Variants in SYCP1 observed in about 807,000 individuals in gnomAD.
SYCP1 encodes the protein synaptonemal complex protein 1.
SYCP1 carries 64 observed loss-of-function variants against 153.1 expected under a neutral mutation model. The observed-to-expected ratio is 0.42, with a 90% CI of 0.34 to 0.51. The LOEUF is 0.51. SYCP1 is among the 20% of genes least tolerant of loss of function. SYCP1 has a pLI of 0.06. For synonymous variants in SYCP1, 384 were observed against 341.8 expected, an observed-to-expected ratio of 1.12 and a Z score of -1.36; for missense variants, 997 against 1,049.0, an observed-to-expected ratio of 0.95 and a Z score of 0.68.
chr1:114,992,958 GT>G (rs1233190137), intron 30 of SYCP1, among the ~76,000 whole-genome samples: 2 of 151,364 alleles, frequency 1.3e-5, no homozygotes, highest in Admixed American at 6.6e-5. Flanking sequence ...CAATTGAAAA[GT>G]GGGGAGAAAA....
At chr1:114,865,948 AT>A (rs144938403) in intron 8 of SYCP1, among the ~76,000 whole-genome samples, 4,761 of 152,254 alleles carry the variant, frequency 0.031, 123 homozygotes, top group Non-Finnish European at 0.042. Flanking sequence ...GGCTTTTCAT[AT>A]TGGCTTCTTT....
chr1:114,935,951 A>T lies in SYCP1; in HGVS notation c.1927-8388A>T, dbSNP rs144339917. Among the ~76,000 whole-genome samples, 1,001 of 152,330 alleles carry T rather than the reference A, an allele frequency of 6.6e-3. 15 individuals carry two copies. The highest frequency in any genetic ancestry group is 0.023 in the African/African-American group (939 of 41,560). Reference sequence around the variant, plus strand: ...AATAAGTCCAGGACCAGACGGAGTCACAGCCGAATTCTACCAGAGGTACAA... The same window carrying T: ...AATAAGTCCAGGACCAGACGGAGTCTCAGCCGAATTCTACCAGAGGTACAA... On this transcript the variant is annotated intron_variant, in intron 23 of 31. Transcript: ENST00000369522.
chr1:114,898,589 A>G (rs1036319957), intron 16 of SYCP1, among the ~76,000 whole-genome samples: 1 of 152,202 alleles, frequency 6.6e-6, no homozygotes, highest in Non-Finnish European at 1.5e-5. Context: ...CTTAAAAACA[A>G]CTAATGAGTT....
chr1:114,860,674 A>G lies in SYCP1; in HGVS notation c.525-62A>G, dbSNP rs112228802. 36 of 1,047,870 alleles carry G rather than the reference A, an allele frequency of 3.4e-5. 2 individuals are homozygous for G. The highest frequency in any genetic ancestry group is 3.1e-4 in the African/African-American group (19 of 61,394). The allele number at this position is 1,047,870 out of a possible 1,614,324, so 64.9% of individuals were successfully genotyped here. A position where few individuals can be genotyped will look rare whatever the true frequency, so the allele number is the denominator to read the frequency against. On this transcript the variant is annotated intron_variant, in intron 7 of 31. Coordinates refer to ENST00000369522, the MANE Select transcript of SYCP1 (RefSeq NM_003176.4). Reference sequence around the variant, plus strand: ...ATTGTAACAATATATTTCATAACTTATATATTGTGATTTTGCTTTGAGATC... The same window carrying G: ...ATTGTAACAATATATTTCATAACTTGTATATTGTGATTTTGCTTTGAGATC...
chr1:114,886,378 C>G lies in SYCP1; in HGVS notation c.1190+69C>G, dbSNP rs552472510. The G allele has an allele frequency of 9.7e-5, 130 of 1,337,798 alleles. No individual in the cohort carries two copies. The South Asian group carries it at 2.2e-3, about 23-fold the overall frequency. The allele number at this position is 1,337,798 out of a possible 1,614,324, so 82.9% of individuals were successfully genotyped here. On this transcript the variant is annotated intron_variant, in intron 14 of 31. Transcript: ENST00000369522. Reference sequence around the variant, plus strand: ...AACAATTTACTTTTAATATTCAATGCCATTTTCTTTGCATTGCCAACTGAT... The same window carrying G: ...AACAATTTACTTTTAATATTCAATGGCATTTTCTTTGCATTGCCAACTGAT...
At chr1:114,946,965 C>T (rs1174657592) in intron 26 of SYCP1, among the ~76,000 whole-genome samples, 2 of 152,132 alleles carry the variant, frequency 1.3e-5, no homozygotes, top group African/African-American at 4.8e-5. Context: ...AGGCTTTCCT[C>T]AAACTCCTGA....
Position 114,958,102 on chromosome 1 carries a change from C to T in SYCP1, c.2322+10782C>T, listed in dbSNP as rs113233232. ...ATTCCATATGCAATGGAATATTAAT[C>T]AGCCATAAAAAAGAAGGAAACTTTG... On this transcript the variant is annotated intron_variant, in intron 27 of 31. Transcript: ENST00000369522. 3.7e-3 allele frequency among the ~76,000 whole-genome samples: 568 copies of T among 152,266 alleles called. 5 individuals are homozygous for T. Among genetic ancestry groups the T allele is most frequent in the African/African-American group, 0.013 (539 of 41,546 alleles).
At chr1:114,919,507 C>T (rs2101709176) in intron 20 of SYCP1, among the ~76,000 whole-genome samples, 1 of 152,002 alleles carries the variant, frequency 6.6e-6, no homozygotes, top group South Asian at 2.1e-4. Flanking sequence ...CAGGGTAATA[C>T]TTGCCTCACA....
chr1:114,965,953 GCTGTGAACCCAT>G (rs1228323979), intron 27 of SYCP1, among the ~76,000 whole-genome samples: 5 of 152,114 alleles, frequency 3.3e-5, no homozygotes. Context: ...GTAGAATTTG[GCTGTGAACCCAT>G]CTGGTCCTGG....
chr1:114,910,332 G>A, intron 16 of SYCP1, 65 bp from the exon 17 acceptor site: 1 of 1,106,116 alleles, frequency 9.0e-7, no homozygotes, highest in Non-Finnish European at 1.3e-6. Context: ...CTCCATTTGG[G>A]CAGTTTGATT....
chr1:114,934,327 A>G lies in SYCP1; in HGVS notation c.1926+7764A>G, dbSNP rs556285946. Among the ~76,000 whole-genome samples, 727 of 152,304 alleles carry G rather than the reference A, an allele frequency of 4.8e-3. 8 individuals are homozygous for G. Among genetic ancestry groups the G allele is most frequent in the African/African-American group, 0.016 (679 of 41,556 alleles). On this transcript the variant is annotated intron_variant, in intron 23 of 31. Coordinates refer to ENST00000369522, the MANE Select transcript of SYCP1 (RefSeq NM_003176.4). Reference sequence around the variant, plus strand: ...CCAAACTAAACTTCATAAGTGAAGGAGAAATAAAATCCTTTACAGACAAGC... The same window carrying G: ...CCAAACTAAACTTCATAAGTGAAGGGGAAATAAAATCCTTTACAGACAAGC...
intron 12 of SYCP1, among the ~76,000 whole-genome samples, chr1:114,878,883 T>C (rs1421940127): frequency 2.0e-5 from 3 of 152,082 alleles, no homozygotes; most frequent in Non-Finnish European, 4.4e-5. Flanking sequence ...GGGAGCATGA[T>C]GGAGAGAGTT....
intron 8 of SYCP1, among the ~76,000 whole-genome samples, chr1:114,861,715 C>A (rs908312609): frequency 6.6e-6 from 1 of 151,546 alleles, no homozygotes; most frequent in Non-Finnish European, 1.5e-5. Flanking sequence ...ATGCTTAGAA[C>A]AATGCAAAGT....
At chr1:114,856,075 T>G (rs1663916709) in intron 2 of SYCP1, among the ~76,000 whole-genome samples, 2 of 152,170 alleles carry the variant, frequency 1.3e-5, no homozygotes, top group Admixed American at 1.3e-4. Context: ...GTTTCTCAGG[T>G]GAAACAGAGC....
At chr1:114,878,229 T>C in intron 12 of SYCP1, 27 bp downstream of exon 12, 2 of 1,321,064 alleles carry the variant, frequency 1.5e-6, no homozygotes, top group Non-Finnish European at 2.1e-6. Context: ...GATAATATAA[T>C]GTGCCTTATG....
At chr1:114,938,103 T>A (rs1670142837) in intron 23 of SYCP1, among the ~76,000 whole-genome samples, 1 of 152,126 alleles carries the variant, frequency 6.6e-6, no homozygotes, top group African/African-American at 2.4e-5. Context: ...CACATGTATG[T>A]TTATTGCAGC....
At chr1:114,946,475 A>G (rs1670716570) in intron 26 of SYCP1, 94 bp downstream of exon 26, 2 of 689,490 alleles carry the variant, frequency 2.9e-6, no homozygotes, top group African/African-American at 1.9e-5. Context: ...CTAATTTTTG[A>G]GCTATAGAAT....
chr1:114,981,590 C>T (rs1673157348), intron 29 of SYCP1, 78 bp downstream of exon 29: 10 of 1,274,978 alleles, frequency 7.8e-6, no homozygotes, highest in Non-Finnish European at 1.1e-5. Context: ...ATATATCTGG[C>T]ATCACGCACA....
At chr1:114,932,964 T>C (rs1669740735) in intron 23 of SYCP1, among the ~76,000 whole-genome samples, 1 of 152,198 alleles carries the variant, frequency 6.6e-6, no homozygotes, top group African/African-American at 2.4e-5. Flanking sequence ...ACTCCACCTC[T>C]GGGGGCAGGG....
Sources: allele counts gnomAD v4.1 joint callset (sites outside exome capture counted in the v4.1 genomes callset), GRCh38; gene constraint gnomAD v4.1.1; transcripts MANE v1.5; gene names NCBI Gene and HGNC (gene_info 2026-07-23, HGNC 2026-07-21).